Variants in GATA1 observed in about 807,000 individuals in gnomAD.
GATA1 encodes erythroid transcription factor.
In GATA1, 2 loss-of-function variants were observed where a neutral mutation model predicts 18.9. The observed-to-expected ratio is 0.11, with a 90% CI of 0.04 to 0.33. The LOEUF (loss-of-function observed/expected upper bound fraction) is 0.33, where lower values mean the gene tolerates loss of function less well. Among genes scored for constraint, GATA1 ranks in the 10% least tolerant of loss-of-function variants. GATA1 has a pLI of 1.00. For synonymous variants in GATA1, 152 were observed against 149.1 expected (o/e 1.02, Z -0.14); for missense variants, 272 against 344.7 (o/e 0.79, Z 1.67).
rs1557020623 is a variant in GATA1, at chrX:48,794,045, C to T, written c.1123C>T (p.Pro375Ser). ...QGLGPVVLSG[P>S]VSHLMPFPGP... ...CCTGGGCCCTGTGGTGCTGTCAGGG[C>T]CTGTTAGCCACCTCATGCCTTTCCC... is the stretch of plus-strand genomic sequence containing the variant. Residue 375 changes from proline to serine, a missense_variant, in exon 6 of 6, where the codon CCT becomes TCT. By Grantham distance (74) the Pro-to-Ser change is moderately conservative (BLOSUM62 -1). This residue lies in a region of GATA1 where 83 missense variants were observed against 84.2 expected (regional missense o/e 0.99). Transcript: ENST00000376670. The T allele has an allele frequency of 1.7e-6, 2 of 1,211,101 alleles. No homozygotes were observed.
Position 48,794,005 on chromosome X carries a change from C to A in GATA1, c.1083C>A (p.Ala361=). 1 of 1,210,547 alleles carries A rather than the reference C, an allele frequency of 8.3e-7. No homozygotes were observed. Among genetic ancestry groups the A allele is most frequent in the Non-Finnish European group, 1.1e-6 (1 of 894,800 alleles). ...SGLTLGPPGT[A]HLYQGLGPVV... is the part of the protein sequence containing the mutation. ...TGACACTGGGCCCCCCAGGTACTGC[C>A]CATCTCTACCAAGGCCTGGGCCCTG... The change falls in exon 6 of 6, where the codon GCC becomes GCA. Residue 361 remains alanine, a synonymous_variant. Transcript: ENST00000376670.
At chrX:48,793,102 T>C in intron 4 of GATA1, 70 bp from the exon 5 acceptor site, 1 of 1,145,789 alleles carries the variant, frequency 8.7e-7, no homozygotes, top group Non-Finnish European at 1.2e-6. Flanking sequence ...CCTCCTGACA[T>C]CCCCTGTGAG....
In GATA1 at chrX:48,794,210, C is replaced by T. The variant is rs1452087676; in HGVS notation, c.*46C>T. The T allele has an allele frequency of 4.2e-6, 5 of 1,192,156 alleles. No individual in the cohort carries two copies. Among genetic ancestry groups the T allele is most frequent in the African/African-American group, 1.8e-5 (1 of 57,062 alleles). On this transcript the variant is annotated 3_prime_UTR_variant, in exon 6 of 6. Coordinates refer to ENST00000376670, the MANE Select transcript of GATA1 (RefSeq NM_002049.4). ...AGAGGAGGGGTGGTGTCCTTCTCCT[C>T]TTGTAGCCAGAATTCTGGACAACCC...
chrX:48,788,327 C>T (rs1031684178), intron 1 of GATA1, among the ~76,000 whole-genome samples: 2 of 109,496 alleles, frequency 1.8e-5, no homozygotes, highest in African/African-American at 3.3e-5. Context: ...AGAAACTCAA[C>T]GAGTAAGAGA....
chrX:48,792,287 G>T, intron 3 of GATA1, 36 bp from the exon 4 acceptor site: 3 of 1,211,884 alleles, frequency 2.5e-6, no homozygotes, highest in Non-Finnish European at 3.4e-6. Flanking sequence ...AAGCTGAGCT[G>T]AGCCTAGCTC....
At chrX:48,789,083 G>A (rs1044929215) in intron 1 of GATA1, among the ~76,000 whole-genome samples, 12 of 112,315 alleles carry the variant, frequency 1.1e-4, no homozygotes, top group Admixed American at 9.3e-4. Context: ...GAGGTGGGCC[G>A]ATCACTTGAG....
chrX:48,789,838 C>T (rs2147304690), intron 1 of GATA1, among the ~76,000 whole-genome samples: 1 of 110,193 alleles, frequency 9.1e-6, no homozygotes, highest in African/African-American at 3.3e-5. Flanking sequence ...CATGGGGTTT[C>T]TGAGAAAGTT....
intron 1 of GATA1, among the ~76,000 whole-genome samples, 164 bp from the exon 2 acceptor site, chrX:48,790,927 G>C (rs1377905193): frequency 3.3e-5 from 3 of 91,700 alleles, no homozygotes; most frequent in African/African-American, 1.2e-4. Flanking sequence ...GGGAAGGAGA[G>C]GGGAGACTAA....
Position 48,793,237 on chromosome X carries a change from G to A in GATA1, c.810G>A (p.Arg270=). ...AGACGACCACCACGACACTGTGGCG[G>A]AGAAATGCCAGTGGGGATCCCGTGT... ...NCQTTTTTLW[R]RNASGDPVCN... Residue 270 remains arginine (R), a synonymous_variant, in exon 5 of 6, where the codon CGG becomes CGA. Transcript: ENST00000376670. The A allele has an allele frequency of 8.3e-7, 1 of 1,210,044 alleles. No homozygotes were observed. Among genetic ancestry groups the A allele is most frequent in the Non-Finnish European group, 1.1e-6 (1 of 894,659 alleles).
Position 48,794,264 on chromosome X carries a change from C to A in GATA1, c.*100C>A. The A allele has an allele frequency of 3.0e-6, 3 of 997,343 alleles. No homozygotes were observed. The highest frequency in any genetic ancestry group is 2.6e-4 in the Middle Eastern group (1 of 3,803). The allele number at this position is 997,343 out of a possible 1,213,427, so 82.2% of individuals were successfully genotyped here. A position where few individuals can be genotyped will look rare whatever the true frequency, so the allele number is the denominator to read the frequency against. On this transcript the variant is annotated 3_prime_UTR_variant, in exon 6 of 6. Transcript: ENST00000376670. ...TCTCTGGGCCCCAGGCACCCCCTGG[C>A]TTGAACCTTCAAAGCTTTTGTAAAA...
At chrX:48,790,137 A>G (rs1412171820) in intron 1 of GATA1, among the ~76,000 whole-genome samples, 1 of 109,932 alleles carries the variant, frequency 9.1e-6, no homozygotes, top group Admixed American at 9.6e-5. Context: ...AGTAGGAGAA[A>G]GGAGTGGAGA....
chrX:48,789,822 G>A (rs1557019723), intron 1 of GATA1, among the ~76,000 whole-genome samples: 1 of 110,596 alleles, frequency 9.0e-6, no homozygotes, highest in Non-Finnish European at 1.9e-5. Context: ...AGTCAAGCCC[G>A]GAAACCATGG....
In GATA1 at chrX:48,791,071, G is replaced by A; in HGVS notation, c.-19-20G>A. 1.8e-6 allele frequency: 2 copies of A among 1,088,477 alleles called. No homozygotes were observed. Among genetic ancestry groups the A allele is most frequent in the South Asian group, 3.8e-5 (2 of 52,085 alleles). 89.7% of individuals were successfully genotyped at this position (1,088,477 alleles called of 1,213,427 possible). A position where few individuals can be genotyped will look rare whatever the true frequency, so the allele number is the denominator to read the frequency against. On this transcript the variant is annotated intron_variant, in intron 1 of 5. Transcript: ENST00000376670. ...GGGGGGAAGGATTTCTGTGTCTGAGGACCCCTTCTGTCCTCGCAGGTTAAT... is the reference window on the plus strand; with the variant it reads ...GGGGGGAAGGATTTCTGTGTCTGAGAACCCCTTCTGTCCTCGCAGGTTAAT...
chrX:48,791,048 G>A (rs2062673017), intron 1 of GATA1, 43 bp from the exon 2 acceptor site: 1 of 911,601 alleles, frequency 1.1e-6, no homozygotes, highest in Non-Finnish European at 1.6e-6. Context: ...AGGAGGTGGG[G>A]GGGAAGGATT....
Position 48,791,050 on chromosome X carries a change from G to A in GATA1, c.-19-41G>A. On this transcript the variant is annotated intron_variant, in intron 1 of 5. Transcript: ENST00000376670. ...AGGAGCAGGTGAAAGGAGGTGGGGG[G>A]GAAGGATTTCTGTGTCTGAGGACCC... 5.4e-6 allele frequency: 5 copies of A among 931,992 alleles called. No individual in the cohort carries two copies. The South Asian group carries it at 1.0e-4, about 19-fold the overall frequency. 76.8% of individuals were successfully genotyped at this position (931,992 alleles called of 1,213,427 possible).
chrX:48,791,723 G>A, intron 2 of GATA1, 121 bp from the exon 3 acceptor site: 4 of 858,053 alleles, frequency 4.7e-6, no homozygotes, highest in Non-Finnish European at 6.8e-6. Flanking sequence ...CTGGTAGCCT[G>A]TGGAAAAGCT....
At chrX:48,790,948 A>AG (rs781874359) in intron 1 of GATA1, 143 bp from the exon 2 acceptor site, 6 of 377,656 alleles carry the variant, frequency 1.6e-5, no homozygotes, top group Middle Eastern at 6.3e-4. Context: ...GGTGAGGAGG[A>AG]GGGGGGAATG....
chrX:48,791,899 A>G lies in GATA1; in HGVS notation c.276A>G (p.Pro92=), dbSNP rs782748775. 9 of 1,211,756 alleles carry G rather than the reference A, an allele frequency of 7.4e-6. No homozygotes were observed. Among genetic ancestry groups the G allele is most frequent in the Middle Eastern group, 2.3e-4 (1 of 4,355 alleles). Residue 92 remains proline, a synonymous_variant, in exon 3 of 6, where the codon CCA becomes CCG. Transcript: ENST00000376670. ...NCMEGIPGGS[P]YAGWAYGKTG... ...TGGAGGGGATCCCAGGGGGCTCACCATATGCCGGCTGGGCCTACGGCAAGA... is the reference window on the plus strand; with the variant it reads ...TGGAGGGGATCCCAGGGGGCTCACCGTATGCCGGCTGGGCCTACGGCAAGA...
At chrX:48,788,183 G>A (rs782038543) in intron 1 of GATA1, among the ~76,000 whole-genome samples, 28 of 109,985 alleles carry the variant, frequency 2.5e-4, no homozygotes, top group African/African-American at 8.0e-4. Flanking sequence ...AGTGGTGAAA[G>A]AGTGAGCAGA....
Sources: allele counts gnomAD v4.1 joint callset (sites outside exome capture counted in the v4.1 genomes callset), GRCh38; gene constraint gnomAD v4.1.1; regional missense constraint gnomAD v4.1.1; transcripts MANE v1.5; gene names NCBI Gene and HGNC (gene_info 2026-07-23, HGNC 2026-07-21).